Variants in MCPH1 observed in about 807,000 individuals in gnomAD.
MCPH1 encodes the protein microcephalin.
Under a neutral mutation model 84.5 loss-of-function variants are expected in MCPH1, and 104 were observed. That is an observed-to-expected ratio of 1.23 (90% CI 1.05 to 1.45). MCPH1 has a LOEUF of 1.45. Ranked by LOEUF, MCPH1 falls within the 40% of genes most tolerant of loss-of-function variation. The pLI is 0.00. For synonymous variants in MCPH1, 514 were observed against 366.8 expected (o/e 1.40, Z -4.58); for missense variants, 1,498 against 1,005.7 (o/e 1.49, Z -6.62).
At chr8:6,416,967 C>T (rs1799392919) in intron 3 of MCPH1, among the ~76,000 whole-genome samples, 1 of 151,750 alleles carries the variant, frequency 6.6e-6, no homozygotes, top group Non-Finnish European at 1.5e-5. Flanking sequence ...GCACTTTAGC[C>T]TGGGCGACAA....
chr8:6,491,925 C>A, intron 11 of MCPH1, among the ~76,000 whole-genome samples: 1 of 152,122 alleles, frequency 6.6e-6, no homozygotes. Context: ...TAAATAGTGC[C>A]ACAGTAAACA....
At chr8:6,632,846 T>A (rs1046868322) in intron 13 of MCPH1, among the ~76,000 whole-genome samples, 9 of 151,948 alleles carry the variant, frequency 5.9e-5, no homozygotes, top group African/African-American at 1.9e-4. Flanking sequence ...AAATAAGATA[T>A]TTCATCAAGT....
At chr8:6,617,932 T>TATCTATCTATCTATCA (rs1554481051) in intron 12 of MCPH1, among the ~76,000 whole-genome samples, 6 of 151,884 alleles carry the variant, frequency 4.0e-5, no homozygotes, top group African/African-American at 1.5e-4. Flanking sequence ...TCTATCTATC[T>TATCTATCTATCTATCA]ATCTATCTAT....
chr8:6,514,334 T>C (rs1236598104), intron 12 of MCPH1, among the ~76,000 whole-genome samples: 1 of 151,984 alleles, frequency 6.6e-6, no homozygotes, highest in Non-Finnish European at 1.5e-5. Context: ...GGATTACAGG[T>C]GTGCACCACC....
chr8:6,554,990 G>T (rs951047814), intron 12 of MCPH1, among the ~76,000 whole-genome samples: 1 of 152,176 alleles, frequency 6.6e-6, no homozygotes, highest in Non-Finnish European at 1.5e-5. Context: ...TGGCACACCT[G>T]ACCTAGAGTC....
chr8:6,520,123 T>C, intron 12 of MCPH1: 1 of 987,438 alleles, frequency 1.0e-6, no homozygotes, highest in South Asian at 2.2e-5. Context: ...TGTACCACTT[T>C]TTTAACCTTT....
Position 6,617,900 on chromosome 8 carries a change from A to AATCTATCTATCTATCTATCTATCT in MCPH1, c.2215-3533_2215-3510dup, listed in dbSNP as rs142071946. 3.3e-3 allele frequency among the ~76,000 whole-genome samples: 471 copies of AATCTATCTATCTATCTATCTATCT among 143,128 alleles called. 2 individuals carry two copies. Among genetic ancestry groups the AATCTATCTATCTATCTATCTATCT allele is most frequent in the Middle Eastern group, 0.01 (3 of 290 alleles). 93.9% of individuals were successfully genotyped at this position (143,128 alleles called of 152,430 possible). On this transcript the variant is annotated intron_variant, in intron 12 of 13. Transcript: ENST00000344683. ...CATCCATCTATCTATCTATCTATCT[A>AATCTATCTATCTATCTATCTATCT]ATCTATCTATCTATCTATCTATCTA...
intron 8 of MCPH1, chr8:6,445,782 A>T (rs35882128): frequency 1.5e-6 from 2 of 1,308,590 alleles, no homozygotes; most frequent in East Asian, 3.1e-5. Context: ...TTTCTCCAAG[A>T]CTTTTCCTTC....
intron 12 of MCPH1, among the ~76,000 whole-genome samples, chr8:6,528,601 T>C (rs1462880935): frequency 6.6e-6 from 1 of 152,252 alleles, no homozygotes; most frequent in African/African-American, 2.4e-5. Context: ...TGCGGGCCTT[T>C]GTGAGCTACT....
At chr8:6,471,117 G>C (rs549024736) in intron 9 of MCPH1, among the ~76,000 whole-genome samples, 1 of 152,184 alleles carries the variant, frequency 6.6e-6, no homozygotes, top group African/African-American at 2.4e-5. Context: ...GTGGATCTTG[G>C]ACCTACCACC....
intron 10 of MCPH1, among the ~76,000 whole-genome samples, chr8:6,479,512 G>A (rs1295568143): frequency 6.6e-6 from 1 of 151,564 alleles, no homozygotes; most frequent in Non-Finnish European, 1.5e-5. Context: ...TCCTCCCACT[G>A]CAAGCTCCAC....
chr8:6,583,225 T>C (rs775194213), intron 12 of MCPH1, among the ~76,000 whole-genome samples: 1 of 152,154 alleles, frequency 6.6e-6, no homozygotes, highest in Non-Finnish European at 1.5e-5. Flanking sequence ...GCAGCACACA[T>C]TTCAGTTTGC....
Position 6,409,954 on chromosome 8 carries a change from G to A in MCPH1, c.114+584G>A, listed in dbSNP as rs1054655021. 2.2e-4 allele frequency among the ~76,000 whole-genome samples: 34 copies of A among 151,556 alleles called. 1 individual carries two copies. The highest frequency in any genetic ancestry group is 8.3e-4 in the African/African-American group (34 of 41,046). ...ATGCCAGGAGAAGGAGAAAGGAAGT[G>A]TGGAAGTCAAAGTAGGGAGTAATTT... On this transcript the variant is annotated intron_variant, in intron 2 of 13. Coordinates refer to ENST00000344683, the MANE Select transcript of MCPH1 (RefSeq NM_024596.5).
intron 3 of MCPH1, among the ~76,000 whole-genome samples, chr8:6,428,863 T>C (rs1322150665): frequency 6.6e-6 from 1 of 152,270 alleles, no homozygotes; most frequent in East Asian, 1.9e-4. Context: ...AGGCAGCTCC[T>C]TTCACACTTG....
chr8:6,513,533 C>A, intron 12 of MCPH1: 1 of 556,046 alleles, frequency 1.8e-6, no homozygotes, highest in Non-Finnish European at 2.9e-6. Flanking sequence ...CAGGGTTTCA[C>A]TTTGTTTGCC....
intron 6 of MCPH1, among the ~76,000 whole-genome samples, chr8:6,439,947 A>C (rs1803257378): frequency 6.6e-6 from 1 of 152,222 alleles, no homozygotes; most frequent in South Asian, 2.1e-4. Context: ...TCAGTGTATC[A>C]GATATCTGTG....
chr8:6,534,089 A>G (rs1191912574), intron 12 of MCPH1, among the ~76,000 whole-genome samples: 1 of 152,144 alleles, frequency 6.6e-6, no homozygotes, highest in Non-Finnish European at 1.5e-5. Flanking sequence ...CCTCCCTGGC[A>G]GTCGTTCTCC....
intron 3 of MCPH1, among the ~76,000 whole-genome samples, chr8:6,418,669 T>C (rs1382563946): frequency 6.6e-6 from 1 of 152,048 alleles, no homozygotes; most frequent in African/African-American, 2.4e-5. Context: ...TGCAACCTCC[T>C]ACTCCCTGGT....
At chr8:6,567,021 C>T (rs1174259948) in intron 12 of MCPH1, among the ~76,000 whole-genome samples, 3 of 141,272 alleles carry the variant, frequency 2.1e-5, no homozygotes, top group South Asian at 2.3e-4. Flanking sequence ...AGATAGTGCA[C>T]GCGGTGCGGT....
Sources: allele counts gnomAD v4.1 joint callset (sites outside exome capture counted in the v4.1 genomes callset), GRCh38; gene constraint gnomAD v4.1.1; transcripts MANE v1.5; gene names NCBI Gene and HGNC (gene_info 2026-07-23, HGNC 2026-07-21).